The following DECR2 variants were observed in gnomAD, a reference collection of about 807,000 sequenced individuals.
DECR2 encodes the protein peroxisomal 2,4-dienoyl-CoA reductase [(3E)-enoyl-CoA-producing].
A neutral mutation model predicts 29.2 loss-of-function variants in DECR2; 34 were observed. The ratio of observed to expected loss-of-function variants is 1.16; its 90% CI spans 0.89 to 1.55. DECR2 has a LOEUF of 1.55. DECR2 is among the 40% of genes most tolerant of loss of function. The probability of loss-of-function intolerance (pLI) is 0.00; values close to 1 mark genes in which losing one functional copy is unlikely to be tolerated. For missense variants in DECR2, 485 were observed against 425.3 expected (o/e 1.14, Z -1.23); for synonymous variants, 224 against 182.7 (o/e 1.23, Z -1.82).
In DECR2 at chr16:402,058, G is replaced by A; in HGVS notation, c.80+15G>A. On this transcript the variant is annotated intron_variant, in intron 1 of 8. Coordinates refer to ENST00000219481, the MANE Select transcript of DECR2 (RefSeq NM_020664.4). The stretch of plus-strand genomic sequence containing the variant: ...GACCTGCTGCGGTGAGCGGGGCCTG[G>A]GAAGCGAGCGCAGCCTTGGTGCGGG... The A allele has an allele frequency of 7.3e-7, 1 of 1,367,340 alleles. No homozygotes were observed. Among genetic ancestry groups the A allele is most frequent in the Non-Finnish European group, 9.5e-7 (1 of 1,056,314 alleles). 84.7% of individuals were successfully genotyped at this position (1,367,340 alleles called of 1,614,324 possible). A position where few individuals can be genotyped will look rare whatever the true frequency, so the allele number is the denominator to read the frequency against.
intron 3 of DECR2, 88 bp from the exon 4 acceptor site, chr16:407,337 C>T (rs1465533769): frequency 8.7e-6 from 13 of 1,494,108 alleles, no homozygotes; most frequent in East Asian, 6.9e-5. Context: ...CCGAGGAACC[C>T]GGAAGCATCG....
rs1334420034 is a variant in DECR2 at position 410,911 on chromosome 16, TG to T, written c.557-59del. 2 of 1,542,100 alleles carry T rather than the reference TG, an allele frequency of 1.3e-6. No individual in the cohort carries two copies. The highest frequency in any genetic ancestry group is 1.8e-6 in the Non-Finnish European group (2 of 1,140,578). ...AGCTGCAGGCAGCGAGACCTGGCCT[TG>T]GCCCTGCGCCCTCGCAGAGGGCAGA... On this transcript the variant is annotated intron_variant, in intron 6 of 8. Coordinates refer to ENST00000219481, the MANE Select transcript of DECR2 (RefSeq NM_020664.4). This position sits in a 1 kb window ranked among gnomAD's most constrained non-coding sequence, Gnocchi z 4.1.
In DECR2 at chr16:410,618, A is replaced by AGCCACCC. The variant is rs2054804937; in HGVS notation, c.463-70_463-64dup. On this transcript the variant is annotated intron_variant, in intron 5 of 8. Transcript: ENST00000219481. This position sits in a 1 kb window ranked among gnomAD's most constrained non-coding sequence, Gnocchi z 4.1. ...TCCCTGCCCCGGGCCTCCCCCTGAC[A>AGCCACCC]GCCACCCGCTCACTGTCCTGTGACC... is the stretch of plus-strand genomic sequence containing the variant. 8.2e-7 allele frequency: 1 copy of AGCCACCC among 1,220,200 alleles called. No individual in the cohort carries two copies. The highest frequency in any genetic ancestry group is 1.1e-6 in the Non-Finnish European group (1 of 901,692). The allele number at this position is 1,220,200 out of a possible 1,614,324, so 75.6% of individuals were successfully genotyped here. A position where few individuals can be genotyped will look rare whatever the true frequency, so the allele number is the denominator to read the frequency against.
chr16:406,922 C>T (rs1344280200), intron 3 of DECR2: 1 of 1,031,446 alleles, frequency 9.7e-7, no homozygotes, highest in Non-Finnish European at 1.2e-6. Context: ...GGCACCAAAA[C>T]TTGCACCTAT....
chr16:405,141 G>T, intron 2 of DECR2, 117 bp downstream of exon 2: 1 of 1,283,940 alleles, frequency 7.8e-7, no homozygotes, highest in South Asian at 1.3e-5. Flanking sequence ...TCACCTACCC[G>T]ACAGGATCCA....
rs778558673 is a variant in DECR2, at chr16:407,567, C to T, written c.337+7C>T. ...ATCGACATTCTCATTAACTGTGAGT[C>T]GGTGCTGAGTGAGGTTGGTGGCTTC... On this transcript the variant is annotated splice_region_variant and intron_variant, in intron 4 of 8. Coordinates refer to ENST00000219481, the MANE Select transcript of DECR2 (RefSeq NM_020664.4). 36 of 1,613,404 alleles carry T rather than the reference C, an allele frequency of 2.2e-5. No individual in the cohort carries two copies. Among genetic ancestry groups the T allele is most frequent in the South Asian group, 5.5e-5 (5 of 91,018 alleles).
chr16:410,242 G>T lies in DECR2; in HGVS notation c.338-1G>T. The T allele has an allele frequency of 6.2e-7, 1 of 1,612,776 alleles. No individual in the cohort carries two copies. Among genetic ancestry groups the T allele is most frequent in the Non-Finnish European group, 8.5e-7 (1 of 1,179,506 alleles). On this transcript the variant is annotated splice_acceptor_variant, in intron 4 of 8. Coordinates refer to ENST00000219481, the MANE Select transcript of DECR2 (RefSeq NM_020664.4). LOFTEE classifies it high-confidence loss of function. The surrounding 1 kb of genome is among the most constrained non-coding windows in gnomAD (Gnocchi z 4.1). ...AGCTCCTGCGGTCTCCCATTCTGCAGGTGCGGCCGGGAACTTCCTGTGCCC... is the reference window on the plus strand; with the variant it reads ...AGCTCCTGCGGTCTCCCATTCTGCATGTGCGGCCGGGAACTTCCTGTGCCC...
intron 1 of DECR2, 56 bp from the exon 2 acceptor site, chr16:404,900 G>C (rs1335108380): frequency 6.3e-7 from 1 of 1,595,136 alleles, no homozygotes; most frequent in Admixed American, 1.7e-5. Flanking sequence ...AGTGCTGGGA[G>C]CCACCGGCCC....
chr16:405,268 C>A, intron 2 of DECR2: 1 of 603,024 alleles, frequency 1.7e-6, no homozygotes, highest in South Asian at 2.1e-5. Flanking sequence ...CTGCTGGGAC[C>A]TCGAGAGTCA....
chr16:402,554 G>C (rs1391738726), intron 1 of DECR2, among the ~76,000 whole-genome samples: 1 of 152,024 alleles, frequency 6.6e-6, no homozygotes, highest in Non-Finnish European at 1.5e-5. Context: ...AAACGCCTTG[G>C]TGTTCACAAG....
In DECR2 at chr16:410,795, C is replaced by G. The variant is rs60098912; in HGVS notation, c.556+11C>G. 75 of 1,563,168 alleles carry G rather than the reference C, an allele frequency of 4.8e-5. 1 individual carries two copies. The East Asian group carries it at 6.3e-4, about 13-fold the overall frequency. ...CCAAGGCCGCTGTGGGTATGACCAC[C>G]CCCCCCCGCCCAGGTTTGCCCACGT... On this transcript the variant is annotated intron_variant, in intron 6 of 8. Coordinates refer to ENST00000219481, the MANE Select transcript of DECR2 (RefSeq NM_020664.4). The surrounding 1 kb of genome is among the most constrained non-coding windows in gnomAD (Gnocchi z 4.1).
chr16:402,023 C>T lies in DECR2; in HGVS notation c.60C>T (p.Leu20=), dbSNP rs780623637. 6.7e-7 allele frequency: 1 copy of T among 1,484,912 alleles called. No homozygotes were observed. The highest frequency in any genetic ancestry group is 1.3e-5 in the South Asian group (1 of 78,256). The allele number at this position is 1,484,912 out of a possible 1,614,324, so 92.0% of individuals were successfully genotyped here. Residue 20 remains leucine (L), a synonymous_variant, in exon 1 of 9, where the codon CTC becomes CTT. Coordinates refer to ENST00000219481, the MANE Select transcript of DECR2 (RefSeq NM_020664.4). ...ACTGTCTCCCCGCGTACCGCCACCT[C>T]TTCTGCCCGGACCTGCTGCGGTGAG... ...GDDCLPAYRH[L]FCPDLLRDKV...
In DECR2 at chr16:411,393, A is replaced by C; in HGVS notation, c.694A>C (p.Thr232Pro). The C allele has an allele frequency of 6.2e-7, 1 of 1,611,482 alleles. No individual in the cohort carries two copies. Residue 232 changes from threonine (T) to proline (P), a missense_variant, in exon 8 of 9, where the codon ACT (threonine) becomes CCT (proline). Coordinates refer to ENST00000219481, the MANE Select transcript of DECR2 (RefSeq NM_020664.4). The stretch of plus-strand genomic sequence containing the variant: ...TCAGGCCAGCCTGAGCACCAAGGTC[A>C]CTGCCAGCCCGCTGCAGAGGCTGGG... ...GPQASLSTKV[T>P]ASPLQRLGNK... is the part of the protein sequence containing the mutation.
At chr16:408,456 AG>A (rs1340270555) in intron 4 of DECR2, among the ~76,000 whole-genome samples, 1 of 151,846 alleles carries the variant, frequency 6.6e-6, no homozygotes, top group Non-Finnish European at 1.5e-5. Flanking sequence ...CCATGAACAC[AG>A]CTCAATGGTA....
At chr16:407,921 ATCTCCGGCCCCC>A (rs2054751086) in intron 4 of DECR2, among the ~76,000 whole-genome samples, 1 of 30,114 alleles carries the variant, frequency 3.3e-5, no homozygotes, top group Non-Finnish European at 6.3e-5. Flanking sequence ...CTCCGGCCCC[ATCTCCGGCCCCC>A]TGTCTCCGGG....
chr16:405,981 G>T (rs1340354328), intron 2 of DECR2, among the ~76,000 whole-genome samples: 1 of 152,196 alleles, frequency 6.6e-6, no homozygotes, highest in African/African-American at 2.4e-5. Flanking sequence ...GGAGCACCCC[G>T]CTTCAGAACA....
Position 410,144 on chromosome 16 carries a change from GGCTCCCTCCT to G in DECR2, c.338-96_338-87del. On this transcript the variant is annotated intron_variant, in intron 4 of 8. Transcript: ENST00000219481. The surrounding 1 kb of genome is among the most constrained non-coding windows in gnomAD (Gnocchi z 4.1). ...TCCTCCCTGTGCCACAGGGCACCTG[GGCTCCCTCCT>G]GCACCCTCCGCTCTGCCCACCTGGC... The G allele has an allele frequency of 6.7e-7, 1 of 1,495,642 alleles. No homozygotes were observed. Among genetic ancestry groups the G allele is most frequent in the Non-Finnish European group, 9.0e-7 (1 of 1,114,160 alleles). The allele number at this position is 1,495,642 out of a possible 1,614,324, so 92.6% of individuals were successfully genotyped here.
Position 410,796 on chromosome 16 carries a change from C to A in DECR2, c.556+12C>A, listed in dbSNP as rs115317717. 8,130 of 1,568,894 alleles carry A rather than the reference C, an allele frequency of 5.2e-3. 359 individuals carry two copies. In the African/African-American group the frequency reaches 0.092, roughly 18 times the overall value. On this transcript the variant is annotated intron_variant, in intron 6 of 8. Transcript: ENST00000219481. The surrounding 1 kb of genome is among the most constrained non-coding windows in gnomAD (Gnocchi z 4.1). ...CAAGGCCGCTGTGGGTATGACCACC[C>A]CCCCCCGCCCAGGTTTGCCCACGTG... is the stretch of plus-strand genomic sequence containing the variant.
At chr16:407,662 C>G in intron 4 of DECR2, 102 bp downstream of exon 4, 1 of 1,535,834 alleles carries the variant, frequency 6.5e-7, no homozygotes, top group Non-Finnish European at 8.8e-7. Flanking sequence ...GCCAGGGAAC[C>G]TAGCTGCCTG....
Sources: gnomAD v4.1 joint callset for allele counts (sites outside exome capture counted in the v4.1 genomes callset) on GRCh38, gnomAD v4.1.1 for gene constraint, Gnocchi (gnomAD v3.1) non-coding constraint, MANE v1.5 for transcripts, NCBI Gene and HGNC (gene_info 2026-07-23, HGNC 2026-07-21) for gene names.